ANK2: variants seen among roughly 807,000 people sequenced by gnomAD.
ANK2 encodes the protein ankyrin 2, also known as ankyrin-2.
Under a neutral mutation model 360.5 loss-of-function variants are expected in ANK2, and 83 were observed. That is an observed-to-expected ratio of 0.23 (90% CI 0.19 to 0.28). The LOEUF (loss-of-function observed/expected upper bound fraction) is 0.28. Among genes scored for constraint, ANK2 ranks in the 10% least tolerant of loss-of-function variants. The pLI, the probability that ANK2 is intolerant of heterozygous loss-of-function variation, is 1.00. For missense variants in ANK2, 4,201 were observed against 4,795.7 expected (o/e 0.88, Z 3.66); for synonymous variants, 1,740 against 1,759.5 (o/e 0.99, Z 0.28).
At chr4:113,260,273 A>C (rs1399637047) in intron 13 of ANK2, among the ~76,000 whole-genome samples, 1 of 152,200 alleles carries the variant, frequency 6.6e-6, no homozygotes, top group East Asian at 1.9e-4. Context: ...TATGGGGTAC[A>C]TGTATATTTT....
intron 7 of ANK2, 76 bp from the exon 8 acceptor site, chr4:113,240,409 C>T: frequency 9.2e-7 from 1 of 1,091,130 alleles, no homozygotes; most frequent in Non-Finnish European, 1.4e-6. Flanking sequence ...TACCATGTGA[C>T]CTTCTTCACT....
chr4:112,807,586 A>T, the ANK2 span, among the ~76,000 whole-genome samples: 2,687 of 152,364 alleles, frequency 0.018, 93 homozygotes, highest in African/African-American at 0.059. Context: ...CCTCAGCAAC[A>T]TTTAGACTGA....
the ANK2 span, among the ~76,000 whole-genome samples, chr4:112,710,010 G>A: frequency 1.3e-5 from 2 of 152,138 alleles, no homozygotes; most frequent in African/African-American, 4.8e-5. Flanking sequence ...GAAACATTGA[G>A]ACCTCCCATG....
intron 1 of ANK2, among the ~76,000 whole-genome samples, chr4:113,096,266 A>G (rs2090986172): frequency 6.6e-6 from 1 of 152,224 alleles, no homozygotes; most frequent in South Asian, 2.1e-4. Context: ...ATCAGGATTA[A>G]TTGATTTGTT....
intron 9 of ANK2, 146 bp from the exon 10 acceptor site, chr4:113,249,618 C>A: frequency 1.3e-6 from 1 of 744,848 alleles, no homozygotes. Flanking sequence ...ACTCATCTTT[C>A]TGGTTATTTA....
chr4:113,106,365 C>T (rs2093628953), intron 1 of ANK2, among the ~76,000 whole-genome samples: 1 of 152,260 alleles, frequency 6.6e-6, no homozygotes, highest in East Asian at 1.9e-4. Flanking sequence ...AGCAGCAGAT[C>T]CTTTTCTTAA....
rs2095732892 is a variant in ANK2 at position 113,355,876 on chromosome 4, G to A, written c.7258G>A (p.Val2420Ile). 6.2e-7 allele frequency: 1 copy of A among 1,614,080 alleles called. No individual in the cohort carries two copies. The highest frequency in any genetic ancestry group is 8.5e-7 in the Non-Finnish European group (1 of 1,179,966). The part of the protein sequence containing the change: ...ELALPSRDSE[V>I]LSAVADDSLA... ...TGCACTCCCTAGCCGAGATAGCGAA[G>A]TCCTCAGCGCTGTGGCTGATGACTC... Residue 2420 changes from valine (V) to isoleucine (I), a missense_variant, in exon 38 of 46, where the codon GTC becomes ATC. Coordinates refer to ENST00000357077, the MANE Select transcript of ANK2 (RefSeq NM_001148.6).
intron 1 of ANK2, among the ~76,000 whole-genome samples, chr4:112,828,819 A>C (rs191893564): frequency 6.6e-6 from 1 of 152,358 alleles, no homozygotes; most frequent in East Asian, 1.9e-4. Flanking sequence ...TCCGGAATCT[A>C]TAAGGCACTT....
chr4:113,048,307 T>C (rs1435896587), upstream of ANK2, among the ~76,000 whole-genome samples: 1 of 96,370 alleles, frequency 1.0e-5, no homozygotes, highest in Non-Finnish European at 2.1e-5. Context: ...TTTTTTTTTT[T>C]TCAAGGCGGA....
intron 1 of ANK2, among the ~76,000 whole-genome samples, chr4:112,865,458 G>C (rs2070152555): frequency 6.6e-6 from 1 of 152,128 alleles, no homozygotes; most frequent in Admixed American, 6.5e-5. Context: ...AAAGATTTCT[G>C]AGTATATGAA....
chr4:113,314,566 C>T (rs2081776776), intron 24 of ANK2, among the ~76,000 whole-genome samples: 1 of 152,142 alleles, frequency 6.6e-6, no homozygotes, highest in Non-Finnish European at 1.5e-5. Context: ...CCATTGACTT[C>T]ATGAAAAATT....
intron 1 of ANK2, among the ~76,000 whole-genome samples, chr4:112,873,065 A>G (rs577650774): frequency 2.6e-5 from 4 of 152,168 alleles, no homozygotes; most frequent in Admixed American, 6.5e-5. Context: ...TGGTAGTAAT[A>G]TTTAGTCTTT....
Position 112,849,871 on chromosome 4 carries a change from C to T in ANK2, c.-40+31607C>T, listed in dbSNP as rs74737879. 4.4e-3 allele frequency among the ~76,000 whole-genome samples: 663 copies of T among 152,262 alleles called. 38 individuals are homozygous for T. In the East Asian group the frequency reaches 0.11, roughly 26 times the overall value. ...AGGGTGTTTCCAAAAGAGGTTAGCA[C>T]TTGAATCAGTAGACTGAGTAAAGAA... On this transcript the variant is annotated intron_variant, in intron 1 of 30. Coordinates refer to the ANK2 transcript ENST00000503271.
At chr4:113,041,851 C>T (rs2063041329) in intron 2 of ANK2, among the ~76,000 whole-genome samples, 1 of 152,126 alleles carries the variant, frequency 6.6e-6, no homozygotes, top group Non-Finnish European at 1.5e-5. Flanking sequence ...ACTGTCTTCT[C>T]ATTGTATCTT....
intron 23 of ANK2, among the ~76,000 whole-genome samples, chr4:113,303,090 T>C (rs1352343678): frequency 1.3e-5 from 2 of 152,230 alleles, no homozygotes; most frequent in Non-Finnish European, 2.9e-5. Context: ...TTAAATAATA[T>C]GACTGGAAAA....
intron 1 of ANK2, among the ~76,000 whole-genome samples, chr4:113,051,875 CAT>C (rs1251499560): frequency 1.6e-4 from 25 of 152,174 alleles, no homozygotes; most frequent in African/African-American, 5.3e-4. Context: ...GTATTTAAAA[CAT>C]ATAGTCAATG....
intron 4 of ANK2, among the ~76,000 whole-genome samples, chr4:113,201,122 G>A (rs2098824277): frequency 6.6e-6 from 1 of 151,722 alleles, no homozygotes; most frequent in Non-Finnish European, 1.5e-5. Flanking sequence ...ATTGCTTTGG[G>A]TATTTACCCA....
intron 1 of ANK2, among the ~76,000 whole-genome samples, chr4:113,120,511 G>A (rs2095279338): frequency 1.3e-5 from 2 of 151,946 alleles, no homozygotes; most frequent in African/African-American, 4.8e-5. Flanking sequence ...CCAACTGTAC[G>A]TTTTTTAAAA....
At chr4:113,246,892 A>G (rs913286908) in intron 9 of ANK2, among the ~76,000 whole-genome samples, 2 of 152,196 alleles carry the variant, frequency 1.3e-5, no homozygotes, top group South Asian at 4.1e-4. Flanking sequence ...CATTTGAGAA[A>G]TGAGACTACC....
Sources: gnomAD v4.1 joint callset for allele counts (sites outside exome capture counted in the v4.1 genomes callset) on GRCh38, gnomAD v4.1.1 for gene constraint, MANE v1.5 for transcripts, NCBI Gene and HGNC (gene_info 2026-07-23, HGNC 2026-07-21) for gene names.